ZNF705A: variants seen among roughly 807,000 people sequenced by gnomAD.
The protein encoded by ZNF705A is zinc finger protein 705A.
In ZNF705A, 8 loss-of-function variants were observed where a neutral mutation model predicts 16.6. That is an observed-to-expected ratio of 0.48 (90% confidence interval 0.28 to 0.87). The LOEUF is 0.87. Among genes scored for constraint, ZNF705A ranks in the 40% least tolerant of loss-of-function variants. The probability of loss-of-function intolerance (pLI) is 0.10; values close to 1 mark genes in which losing one functional copy is unlikely to be tolerated. For synonymous variants in ZNF705A, 73 were observed against 117.3 expected (o/e 0.62, Z 2.44); for missense variants, 233 against 359.9 (o/e 0.65, Z 2.85).
chr12:8,177,320 C>T, exon 5 of ZNF705A: 3 of 1,611,858 alleles, frequency 1.9e-6, no homozygotes, highest in Non-Finnish European at 2.5e-6. Context: ...TCAGTGTTCT[C>T]ACCTTAGAAG....
At chr12:8,161,943 C>T (rs1304303106) in intron 1 of ZNF705A, among the ~76,000 whole-genome samples, 1 of 152,102 alleles carries the variant, frequency 6.6e-6, no homozygotes, top group East Asian at 1.9e-4. Context: ...GTGAGCACAC[C>T]TCACCAGGTC....
rs1948408647 is a variant in ZNF705A at position 8,167,458 on chromosome 12, T to G, written c.-71-5097T>G. ...ATGTCTCTTGGAATGTAGTGGTGAT[T>G]AGGTTTATTAATTTTTTTTCATATA... On this transcript the variant is annotated intron_variant, in intron 1 of 5. Coordinates refer to the ZNF705A transcript ENST00000396570. Among the ~76,000 whole-genome samples, 4 of 152,128 alleles carry G rather than the reference T, an allele frequency of 2.6e-5. No homozygotes were observed. The South Asian group carries it at 8.3e-4, about 31-fold the overall frequency.
chr12:8,179,986 T>C (rs1324189433), exon 5 of ZNF705A: 3 of 152,244 alleles, frequency 2.0e-5, no homozygotes, highest in Non-Finnish European at 2.9e-5. Flanking sequence ...GACTTTTGTA[T>C]ACTGATTTTT....
At chr12:8,169,867 G>T (rs1399198721), upstream of ZNF705A, among the ~76,000 whole-genome samples, 10 of 152,070 alleles carry the variant, frequency 6.6e-5, no homozygotes, top group Admixed American at 6.6e-4. Context: ...AATATTGAGG[G>T]TGCAGAATGG....
intron 1 of ZNF705A, among the ~76,000 whole-genome samples, chr12:8,166,920 C>A (rs1256078350): frequency 6.6e-6 from 1 of 151,842 alleles, no homozygotes; most frequent in East Asian, 2.0e-4. Flanking sequence ...TCTTTGAGGC[C>A]CTTTCTTCAT....
At chr12:8,173,414 G>C (rs949600146) in intron 1 of ZNF705A, among the ~76,000 whole-genome samples, 12 of 152,064 alleles carry the variant, frequency 7.9e-5, no homozygotes, top group African/African-American at 2.7e-4. Context: ...TGCTTTATAC[G>C]GGCTGGTTAG....
In ZNF705A at chr12:8,174,315, T is replaced by G; in HGVS notation, c.13-11T>G. 6.3e-7 allele frequency: 1 copy of G among 1,594,376 alleles called. No individual in the cohort carries two copies. Among genetic ancestry groups the G allele is most frequent in the Non-Finnish European group, 8.5e-7 (1 of 1,178,122 alleles). On this transcript the variant is annotated splice_polypyrimidine_tract_variant and intron_variant, in intron 1 of 4. Transcript: ENST00000359286. ...TTCTCTGTCTAAACTAAAATGTCTGTGATGTTTTAGAAGAAAGTGACTTTT... is the reference window on the plus strand; with the variant it reads ...TTCTCTGTCTAAACTAAAATGTCTGGGATGTTTTAGAAGAAAGTGACTTTT...
At chr12:8,168,015 G>C (rs1313877448), upstream of ZNF705A, among the ~76,000 whole-genome samples, 2 of 152,150 alleles carry the variant, frequency 1.3e-5, no homozygotes, top group Non-Finnish European at 2.9e-5. Context: ...CATGCACAGT[G>C]GTTTCCTTAC....
chr12:8,159,743 A>G lies in ZNF705A; in HGVS notation c.-72+2651A>G, dbSNP rs185602546. 4.7e-3 allele frequency among the ~76,000 whole-genome samples: 714 copies of G among 152,090 alleles called. 2 individuals are homozygous for G. The highest frequency in any genetic ancestry group is 0.017 in the African/African-American group (697 of 41,504). On this transcript the variant is annotated intron_variant, in intron 1 of 5. Transcript: ENST00000396570. ...TGGATATTAGTCCTTTGTTGGATGT[A>G]TAGATTGTGAAGATTTTCTCCCAGT...
At chr12:8,175,996 G>A (rs1948481733) in intron 4 of ZNF705A, 54 bp downstream of exon 5, 8 of 1,604,642 alleles carry the variant, frequency 5.0e-6, no homozygotes, top group Admixed American at 3.4e-5. Context: ...ATGGTAATGG[G>A]TTAAGTTAGT....
intron 2 of ZNF705A, among the ~76,000 whole-genome samples, chr12:8,174,878 T>G (rs1219168081): frequency 6.6e-6 from 1 of 152,240 alleles, no homozygotes; most frequent in Non-Finnish European, 1.5e-5. Flanking sequence ...ATCGAATTTT[T>G]TTTTGTTCTG....
Position 8,157,105 on chromosome 12 carries a change from C to T in ZNF705A, c.-72+13C>T. 2.5e-6 allele frequency: 1 copy of T among 397,714 alleles called. No homozygotes were observed. Among genetic ancestry groups the T allele is most frequent in the Non-Finnish European group, 4.4e-6 (1 of 225,450 alleles). The allele number at this position is 397,714 out of a possible 1,614,324, so 24.6% of individuals were successfully genotyped here. A position where few individuals can be genotyped will look rare whatever the true frequency, so the allele number is the denominator to read the frequency against. On this transcript the variant is annotated intron_variant, in intron 1 of 5. Transcript: ENST00000396570. ...ATTCCGCTTAAAGGTATAACTTTGC[C>T]ATGAGTAATCAGACTTCCTGTTCTA... is the stretch of plus-strand genomic sequence containing the variant.
chr12:8,167,415 T>C (rs139030849), intron 1 of ZNF705A, among the ~76,000 whole-genome samples: 3 of 152,326 alleles, frequency 2.0e-5, no homozygotes, highest in Non-Finnish European at 4.4e-5. Flanking sequence ...TTAGGTTCAG[T>C]GTCTGTGCAA....
chr12:8,174,225 T>A (rs1329980690), intron 1 of ZNF705A, 101 bp from the exon 3 acceptor site: 15 of 1,593,594 alleles, frequency 9.4e-6, no homozygotes, highest in Admixed American at 1.7e-5. Context: ...AAACACTGAG[T>A]ATTCTGCATA....
At chr12:8,172,778 G>C (rs1337114773) in intron 1 of ZNF705A, 141 bp downstream of exon 2, 1 of 1,399,780 alleles carries the variant, frequency 7.1e-7, no homozygotes, top group East Asian at 2.3e-5. Context: ...CCTAGCCTGG[G>C]TATTCCAAAT....
At chr12:8,174,248 C>T (rs1296236861) in intron 1 of ZNF705A, 78 bp from the exon 3 acceptor site, 5 of 1,595,946 alleles carry the variant, frequency 3.1e-6, no homozygotes, top group African/African-American at 2.7e-5. Context: ...CAGCTCCTAG[C>T]TATGTCATCT....
chr12:8,175,928 A>C, exon 4 of ZNF705A: 1 of 1,611,524 alleles, frequency 6.2e-7, no homozygotes, highest in Non-Finnish European at 8.5e-7. Flanking sequence ...AGACGCATCC[A>C]CCAGTATGAC....
At chr12:8,172,422 C>T (rs12369280), upstream of ZNF705A, 395,196 of 748,096 alleles carry the variant, frequency 0.53, 105,806 homozygotes, top group Non-Finnish European at 0.56. Flanking sequence ...GGAGAGGCCT[C>T]TGCGTGTTTG....
At chr12:8,164,153 G>A (rs1362958642) in intron 1 of ZNF705A, among the ~76,000 whole-genome samples, 3 of 152,106 alleles carry the variant, frequency 2.0e-5, no homozygotes, top group Admixed American at 6.5e-5. Flanking sequence ...AGTATTCTTA[G>A]CTGTAAGCAC....
Sources: allele counts gnomAD v4.1 joint callset (sites outside exome capture counted in the v4.1 genomes callset), GRCh38; gene constraint gnomAD v4.1.1; transcripts MANE v1.5; gene names NCBI Gene and HGNC (gene_info 2026-07-23, HGNC 2026-07-21).